Variants in TAFA5 observed in about 807,000 individuals in gnomAD.
The protein encoded by TAFA5 is chemokine-like protein TAFA-5.
TAFA5 carries 6 observed loss-of-function variants against 15.3 expected under a neutral mutation model. That is an observed-to-expected ratio of 0.39 (90% confidence interval 0.21 to 0.77). TAFA5 has a LOEUF of 0.77. TAFA5 is among the 30% of genes least tolerant of loss of function. The probability of loss-of-function intolerance (pLI) is 0.41; values close to 1 mark genes in which losing one functional copy is unlikely to be tolerated. For synonymous variants in TAFA5, 103 were observed against 80.7 expected, an observed-to-expected ratio of 1.28 and a Z score of -1.48; for missense variants, 161 against 193.1, an observed-to-expected ratio of 0.83 and a Z score of 0.98.
At chr22:48,681,617 C>A (rs1319224763) in intron 2 of TAFA5, among the ~76,000 whole-genome samples, 1 of 146,542 alleles carries the variant, frequency 6.8e-6, no homozygotes, top group Middle Eastern at 3.3e-3. Context: ...TGCCACTGCA[C>A]TCCAGCCTGG....
chr22:48,570,454 T>C (rs1375133426), intron 1 of TAFA5, among the ~76,000 whole-genome samples: 2 of 152,262 alleles, frequency 1.3e-5, no homozygotes, highest in African/African-American at 4.8e-5. Flanking sequence ...TCCTTCTTCC[T>C]GGCATCCAGG....
intron 1 of TAFA5, among the ~76,000 whole-genome samples, chr22:48,610,479 A>C (rs28529712): frequency 0.16 from 24,781 of 152,120 alleles, 2,622 homozygotes; most frequent in African/African-American, 0.29. Flanking sequence ...GCGGACCTTC[A>C]TGCTGGCTCC....
At chr22:48,649,904 G>A (rs1926992626) in intron 2 of TAFA5, among the ~76,000 whole-genome samples, 1 of 152,144 alleles carries the variant, frequency 6.6e-6, no homozygotes, top group Admixed American at 6.5e-5. Flanking sequence ...CTGCTCATCT[G>A]AAACCACATT....
intron 1 of TAFA5, among the ~76,000 whole-genome samples, chr22:48,640,083 G>T (rs1048312869): frequency 6.6e-6 from 1 of 152,220 alleles, no homozygotes; most frequent in Non-Finnish European, 1.5e-5. Context: ...TCCAGCCCCT[G>T]CCTCGCTGTG....
intron 3 of TAFA5, among the ~76,000 whole-genome samples, chr22:48,738,929 C>T (rs1331269949): frequency 1.3e-5 from 2 of 152,228 alleles, no homozygotes; most frequent in Non-Finnish European, 2.9e-5. Context: ...ACCGGCTCCT[C>T]CTTTCACCAC....
chr22:48,582,252 A>AC (rs1924076564), intron 1 of TAFA5, among the ~76,000 whole-genome samples: 1 of 151,828 alleles, frequency 6.6e-6, no homozygotes, highest in African/African-American at 2.4e-5. Flanking sequence ...CATACCATAC[A>AC]CCCCACATAC....
chr22:48,559,822 A>G (rs28638254), intron 1 of TAFA5, among the ~76,000 whole-genome samples: 19,047 of 152,126 alleles, frequency 0.13, 1,353 homozygotes, highest in African/African-American at 0.2. Flanking sequence ...GGATGGAGGA[A>G]GGGATGCAGG....
intron 1 of TAFA5, among the ~76,000 whole-genome samples, chr22:48,572,554 C>T (rs1923625891): frequency 1.3e-5 from 2 of 152,170 alleles, no homozygotes; most frequent in Non-Finnish European, 2.9e-5. Context: ...TCTGCTCTGC[C>T]CTGGTTTTTT....
intron 3 of TAFA5, among the ~76,000 whole-genome samples, chr22:48,713,166 G>T (rs1170027738): frequency 6.6e-6 from 1 of 152,210 alleles, no homozygotes; most frequent in Non-Finnish European, 1.5e-5. Flanking sequence ...AGTTGTGGGG[G>T]TGAAGAAAAT....
At chr22:48,724,074 T>G (rs1485011286) in intron 3 of TAFA5, among the ~76,000 whole-genome samples, 1 of 151,836 alleles carries the variant, frequency 6.6e-6, no homozygotes, top group South Asian at 2.1e-4. Context: ...GACTCGGGGT[T>G]CTGGTTGCAT....
intron 1 of TAFA5, among the ~76,000 whole-genome samples, chr22:48,577,132 C>T (rs1379801215): frequency 1.3e-5 from 2 of 152,252 alleles, no homozygotes; most frequent in African/African-American, 2.4e-5. Flanking sequence ...CGCAGGTCCC[C>T]GCGCCAAGTT....
intron 1 of TAFA5, among the ~76,000 whole-genome samples, chr22:48,491,238 G>T (rs1928143112): frequency 6.6e-6 from 1 of 152,198 alleles, no homozygotes; most frequent in Non-Finnish European, 1.5e-5. Context: ...CACGGGGCCT[G>T]CAGGGGTATG....
chr22:48,575,410 G>A (rs1923735570), intron 1 of TAFA5, among the ~76,000 whole-genome samples: 1 of 146,598 alleles, frequency 6.8e-6, no homozygotes, highest in African/African-American at 2.5e-5. Context: ...GCGCGGGCCG[G>A]AGTCCGAGGC....
At chr22:48,651,106 G>A (rs959619239) in intron 2 of TAFA5, among the ~76,000 whole-genome samples, 3 of 152,242 alleles carry the variant, frequency 2.0e-5, no homozygotes, top group Non-Finnish European at 4.4e-5. Flanking sequence ...TCTCCCACAA[G>A]TTGAGTTCTC....
At chr22:48,667,811 G>GAAACTGTA (rs1569071668) in intron 2 of TAFA5, among the ~76,000 whole-genome samples, 1 of 56,636 alleles carries the variant, frequency 1.8e-5, no homozygotes, top group African/African-American at 1.1e-4. Context: ...GTCTTCACCG[G>GAAACTGTA]GAGCGTTAAT....
chr22:48,606,787 G>A (rs911320178), intron 1 of TAFA5, among the ~76,000 whole-genome samples: 8 of 152,318 alleles, frequency 5.3e-5, no homozygotes, highest in African/African-American at 1.9e-4. Context: ...GGGGAGACAC[G>A]CTCTTGGTGG....
intron 2 of TAFA5, among the ~76,000 whole-genome samples, chr22:48,661,668 G>A (rs1229343179): frequency 2.6e-5 from 4 of 152,156 alleles, no homozygotes; most frequent in South Asian, 2.1e-4. Flanking sequence ...AGGAGATGCC[G>A]GGGGCTCGTT....
At chr22:48,582,657 C>G (rs1435197746) in intron 1 of TAFA5, among the ~76,000 whole-genome samples, 5 of 140,432 alleles carry the variant, frequency 3.6e-5, no homozygotes, top group Non-Finnish European at 6.2e-5. Context: ...CCACACACAC[C>G]ACACACAAAA....
At chr22:48,655,153 T>TG (rs1927190372) in intron 2 of TAFA5, among the ~76,000 whole-genome samples, 1 of 151,980 alleles carries the variant, frequency 6.6e-6, no homozygotes, top group African/African-American at 2.4e-5. Context: ...CAGGCATGAG[T>TG]GGGGGTCCAC....
Sources: gnomAD v4.1 joint callset for allele counts (sites outside exome capture counted in the v4.1 genomes callset) on GRCh38, gnomAD v4.1.1 for gene constraint, MANE v1.5 for transcripts, NCBI Gene and HGNC (gene_info 2026-07-23, HGNC 2026-07-21) for gene names.